The following SLC35F1 variants were observed in gnomAD, a reference collection of about 807,000 sequenced individuals.
The protein encoded by SLC35F1 is solute carrier family 35 member F1.
A neutral mutation model predicts 48.7 loss-of-function variants in SLC35F1; 14 were observed. The observed-to-expected ratio is 0.29, with a 90% CI of 0.19 to 0.45. The LOEUF (loss-of-function observed/expected upper bound fraction) is 0.45. SLC35F1 is among the 20% of genes least tolerant of loss of function. SLC35F1 has a pLI of 1.00. For synonymous variants in SLC35F1, 190 were observed against 202.2 expected, an observed-to-expected ratio of 0.94 and a Z score of 0.51; for missense variants, 404 against 500.0, an observed-to-expected ratio of 0.81 and a Z score of 1.83.
intron 1 of SLC35F1, among the ~76,000 whole-genome samples, chr6:118,107,903 T>C (rs575990814): frequency 2.0e-5 from 3 of 152,238 alleles, no homozygotes; most frequent in African/African-American, 7.2e-5. Flanking sequence ...GAATTGTAGC[T>C]TGCCTTGAGT....
intron 1 of SLC35F1, among the ~76,000 whole-genome samples, chr6:118,028,052 A>T (rs1263876376): frequency 6.6e-6 from 1 of 152,142 alleles, no homozygotes; most frequent in East Asian, 1.9e-4. Context: ...AATATGGAGC[A>T]AAGTTATGGG....
intron 2 of SLC35F1, among the ~76,000 whole-genome samples, chr6:118,201,625 A>G (rs141959118): frequency 6.7e-4 from 102 of 152,356 alleles, no homozygotes; most frequent in Non-Finnish European, 1.2e-3. Flanking sequence ...TTATGGAGAT[A>G]TAATTAACAT....
At chr6:118,146,806 A>T (rs1437913067) in intron 1 of SLC35F1, among the ~76,000 whole-genome samples, 1 of 152,166 alleles carries the variant, frequency 6.6e-6, no homozygotes, top group East Asian at 1.9e-4. Context: ...CAGAGTTTGC[A>T]CATAATAAAT....
At chr6:118,104,484 A>G (rs1282482187) in intron 1 of SLC35F1, among the ~76,000 whole-genome samples, 1 of 152,218 alleles carries the variant, frequency 6.6e-6, no homozygotes, top group African/African-American at 2.4e-5. Flanking sequence ...TGCTCAATAA[A>G]TGTTAGCTAT....
intron 1 of SLC35F1, among the ~76,000 whole-genome samples, chr6:118,014,522 A>G (rs1186809309): frequency 6.6e-6 from 1 of 152,282 alleles, no homozygotes; most frequent in African/African-American, 2.4e-5. Context: ...TTGAAACCCA[A>G]GCTCACATTT....
At chr6:117,922,260 A>G (rs940748153) in intron 1 of SLC35F1, among the ~76,000 whole-genome samples, 10 of 152,196 alleles carry the variant, frequency 6.6e-5, no homozygotes, top group Admixed American at 5.9e-4. Context: ...TCCCAGCTCA[A>G]AGTAAGCATG....
intron 2 of SLC35F1, among the ~76,000 whole-genome samples, chr6:118,155,523 C>T (rs768301122): frequency 3.3e-5 from 5 of 152,160 alleles, no homozygotes; most frequent in East Asian, 3.9e-4. Flanking sequence ...GAGGATGCCG[C>T]GAAAAGGCCC....
At chr6:117,980,476 G>A (rs1776762555) in intron 1 of SLC35F1, among the ~76,000 whole-genome samples, 1 of 152,136 alleles carries the variant, frequency 6.6e-6, no homozygotes, top group Admixed American at 6.5e-5. Context: ...TTCATTGGAG[G>A]ATATTACAAT....
chr6:118,227,560 G>C (rs1407976873), intron 2 of SLC35F1, among the ~76,000 whole-genome samples: 1 of 152,124 alleles, frequency 6.6e-6, no homozygotes, highest in South Asian at 2.1e-4. Flanking sequence ...AAAAATACCA[G>C]AACCTTATGC....
At chr6:118,152,198 T>G (rs1241100534) in intron 1 of SLC35F1, among the ~76,000 whole-genome samples, 1 of 152,130 alleles carries the variant, frequency 6.6e-6, no homozygotes, top group African/African-American at 2.4e-5. Flanking sequence ...CAATGAACTT[T>G]TTGGAAATAA....
intron 1 of SLC35F1, chr6:117,999,125 A>C: frequency 1.3e-6 from 2 of 1,591,144 alleles, no homozygotes; most frequent in Non-Finnish European, 1.7e-6. Context: ...GAAGCACAAC[A>C]AAAAGGGCCT....
At chr6:118,163,506 G>C (rs1204705672) in intron 2 of SLC35F1, among the ~76,000 whole-genome samples, 1 of 151,962 alleles carries the variant, frequency 6.6e-6, no homozygotes, top group Admixed American at 6.6e-5. Context: ...ATTAATGAAT[G>C]TCTTCCTGAT....
intron 1 of SLC35F1, among the ~76,000 whole-genome samples, chr6:118,023,349 C>G (rs969754185): frequency 6.6e-6 from 1 of 152,104 alleles, no homozygotes; most frequent in Non-Finnish European, 1.5e-5. Context: ...GCTGAGACCC[C>G]TCTGAGAGTG....
At chr6:118,187,169 T>C (rs1222329617) in intron 2 of SLC35F1, among the ~76,000 whole-genome samples, 1 of 152,250 alleles carries the variant, frequency 6.6e-6, no homozygotes, top group Non-Finnish European at 1.5e-5. Context: ...AACAACAGCC[T>C]GCACTAGGCA....
intron 1 of SLC35F1, among the ~76,000 whole-genome samples, chr6:117,968,606 G>A (rs757543979): frequency 9.2e-5 from 14 of 152,310 alleles, no homozygotes; most frequent in African/African-American, 2.4e-4. Flanking sequence ...TACATCCAGT[G>A]AGATTTGGAT....
chr6:118,122,061 C>T (rs1272713444), intron 1 of SLC35F1, among the ~76,000 whole-genome samples: 1 of 151,914 alleles, frequency 6.6e-6, no homozygotes, highest in African/African-American at 2.4e-5. Flanking sequence ...TAAAAATGAA[C>T]TCTAGTTTTA....
intron 3 of SLC35F1, among the ~76,000 whole-genome samples, chr6:118,239,710 C>T (rs1464675854): frequency 2.6e-5 from 4 of 152,090 alleles, no homozygotes; most frequent in East Asian, 3.9e-4. Context: ...AGCCATTTGA[C>T]ACCCTATTTA....
intron 1 of SLC35F1, among the ~76,000 whole-genome samples, chr6:118,071,554 C>T (rs1772727830): frequency 6.6e-6 from 1 of 152,018 alleles, no homozygotes; most frequent in South Asian, 2.1e-4. Flanking sequence ...AATCATGACT[C>T]TTTTATCTTT....
chr6:118,288,235 C>G (rs1776075223), intron 7 of SLC35F1, among the ~76,000 whole-genome samples: 1 of 152,108 alleles, frequency 6.6e-6, no homozygotes, highest in Non-Finnish European at 1.5e-5. Flanking sequence ...GCCCAAGTAT[C>G]TGAGATAGGT....
Sources: gnomAD v4.1 joint callset for allele counts (sites outside exome capture counted in the v4.1 genomes callset) on GRCh38, gnomAD v4.1.1 for gene constraint, MANE v1.5 for transcripts, NCBI Gene and HGNC (gene_info 2026-07-23, HGNC 2026-07-21) for gene names.